The following FLT3 variants were observed in gnomAD, a reference collection of about 807,000 sequenced individuals.
FLT3 encodes the protein receptor-type tyrosine-protein kinase FLT3.
In FLT3, 46 loss-of-function variants were observed where a neutral mutation model predicts 126.6. The ratio of observed to expected loss-of-function variants is 0.36; its 90% CI spans 0.29 to 0.46. The LOEUF (loss-of-function observed/expected upper bound fraction) is 0.46. Among genes scored for constraint, FLT3 ranks in the 20% least tolerant of loss-of-function variants. The pLI, the probability that FLT3 is intolerant of heterozygous loss-of-function variation, is 1.00. For missense variants in FLT3, 1,069 were observed against 1,190.3 expected, an observed-to-expected ratio of 0.90 and a Z score of 1.50; for synonymous variants, 404 against 434.4, an observed-to-expected ratio of 0.93 and a Z score of 0.87.
chr13:28,070,828 T>C (rs1295977834), intron 1 of FLT3, among the ~76,000 whole-genome samples: 1 of 152,154 alleles, frequency 6.6e-6, no homozygotes, highest in Non-Finnish European at 1.5e-5. Flanking sequence ...CAGTCTGCAG[T>C]GATGGACATG....
At chr13:28,088,409 T>TC (rs1441030334) in intron 1 of FLT3, among the ~76,000 whole-genome samples, 2 of 151,766 alleles carry the variant, frequency 1.3e-5, no homozygotes, top group Non-Finnish European at 2.9e-5. Flanking sequence ...CACCTCAGCC[T>TC]CCCAAGTAGC....
At chr13:28,088,032 G>C in intron 1 of FLT3, among the ~76,000 whole-genome samples, 1 of 152,086 alleles carries the variant, frequency 6.6e-6, no homozygotes, top group Non-Finnish European at 1.5e-5. Flanking sequence ...AATATTTCTT[G>C]TTCCTTGTTT....
rs114826735 is a variant in FLT3, at chr13:28,031,282, C to G, written c.1942+2605G>C. ...AAGGAGTGCAGGGGTACTGTAGGGT[C>G]AAAAGGGATAGCTACCTTAGCCTTG... is the stretch of plus-strand genomic sequence containing the variant. On this transcript the variant is annotated intron_variant, in intron 15 of 23. Coordinates refer to ENST00000241453, the MANE Select transcript of FLT3 (RefSeq NM_004119.3). 6.5e-3 allele frequency among the ~76,000 whole-genome samples: 988 copies of G among 152,058 alleles called. 16 individuals are homozygous for G. Among genetic ancestry groups the G allele is most frequent in the African/African-American group, 0.023 (935 of 41,496 alleles).
intron 9 of FLT3, among the ~76,000 whole-genome samples, chr13:28,045,316 GC>G (rs909873727): frequency 6.6e-6 from 1 of 152,286 alleles, no homozygotes. Flanking sequence ...CACTCTTGCA[GC>G]CCATCACAGC....
At chr13:28,010,761 C>A (rs1871286110) in intron 23 of FLT3, among the ~76,000 whole-genome samples, 1 of 152,212 alleles carries the variant, frequency 6.6e-6, no homozygotes, top group African/African-American at 2.4e-5. Flanking sequence ...AATCCCCCCA[C>A]CTTGGGAGGC....
At chr13:28,015,065 TAAG>T (rs1871717463) in intron 22 of FLT3, 89 bp downstream of exon 22, 1 of 748,036 alleles carries the variant, frequency 1.3e-6, no homozygotes, top group African/African-American at 1.8e-5. Context: ...CGCTTTGCAC[TAAG>T]GAGTTTGACT....
chr13:28,027,853 C>T (rs567208112), intron 16 of FLT3, among the ~76,000 whole-genome samples: 1 of 152,334 alleles, frequency 6.6e-6, no homozygotes, highest in East Asian at 1.9e-4. Context: ...ACCACTCTCA[C>T]CACGCCTGTG....
chr13:28,093,768 C>T (rs756032957), intron 1 of FLT3, among the ~76,000 whole-genome samples: 1 of 152,070 alleles, frequency 6.6e-6, no homozygotes, highest in Non-Finnish European at 1.5e-5. Flanking sequence ...TTCTAAAACT[C>T]CACTGCAATT....
intron 10 of FLT3, among the ~76,000 whole-genome samples, chr13:28,036,860 G>C (rs1289946588): frequency 6.6e-6 from 1 of 152,182 alleles, no homozygotes; most frequent in African/African-American, 2.4e-5. Context: ...CGTGCCTGTA[G>C]TCCCAGCTAC....
chr13:28,034,053 C>T (rs2137674168), intron 14 of FLT3, 29 bp downstream of exon 14: 1 of 1,613,488 alleles, frequency 6.2e-7, no homozygotes, highest in Middle Eastern at 1.7e-4. Flanking sequence ...AGAAATGCTG[C>T]AGAAACATTT....
chr13:28,009,891 T>G (rs1871216517), intron 23 of FLT3, among the ~76,000 whole-genome samples: 1 of 152,052 alleles, frequency 6.6e-6, no homozygotes, highest in Non-Finnish European at 1.5e-5. Context: ...ACAAACTTAT[T>G]TCCTATAATT....
chr13:28,011,994 A>C (rs1409055945), intron 23 of FLT3, among the ~76,000 whole-genome samples: 2 of 151,900 alleles, frequency 1.3e-5, no homozygotes, highest in Non-Finnish European at 2.9e-5. Flanking sequence ...GGATTTTGCC[A>C]TGTTGGCCTG....
At chr13:28,057,912 G>A (rs186457822) in intron 3 of FLT3, among the ~76,000 whole-genome samples, 32 of 151,916 alleles carry the variant, frequency 2.1e-4, no homozygotes, top group Middle Eastern at 3.4e-3. Context: ...TGGCGCAGGC[G>A]CCTGTAATCC....
chr13:28,090,440 G>A (rs571265015), intron 1 of FLT3, among the ~76,000 whole-genome samples: 23 of 152,116 alleles, frequency 1.5e-4, no homozygotes, highest in Non-Finnish European at 3.1e-4. Flanking sequence ...TACTAAAGAG[G>A]ATGAAATTTA....
chr13:28,026,479 AAGGATG>A (rs1319777134), intron 17 of FLT3, among the ~76,000 whole-genome samples: 1 of 152,116 alleles, frequency 6.6e-6, no homozygotes, highest in Non-Finnish European at 1.5e-5. Flanking sequence ...AAGAAAGTTC[AAGGATG>A]AGGAGGAGAT....
intron 2 of FLT3, chr13:28,067,862 G>A: frequency 3.1e-6 from 1 of 326,120 alleles, no homozygotes. Flanking sequence ...TCATTCTCTA[G>A]AAGTACAGGG....
In FLT3 at chr13:28,023,283, A is replaced by G. The variant is rs1362199796; in HGVS notation, c.2418+67T>C. On this transcript the variant is annotated intron_variant, in intron 19 of 23. Transcript: ENST00000241453. ...AGGGATACAAGTTAAAATAAACAAG[A>G]AAACATATATAAGCACATCTTTTCA... 4 of 1,506,390 alleles carry G rather than the reference A, an allele frequency of 2.7e-6. No individual in the cohort carries two copies. The African/African-American group carries it at 5.6e-5, about 21-fold the overall frequency. 93.3% of individuals were successfully genotyped at this position (1,506,390 alleles called of 1,614,324 possible). A position where few individuals can be genotyped will look rare whatever the true frequency, so the allele number is the denominator to read the frequency against.
chr13:28,093,078 C>T (rs1376413489), intron 1 of FLT3, among the ~76,000 whole-genome samples: 2 of 151,850 alleles, frequency 1.3e-5, no homozygotes, highest in African/African-American at 4.8e-5. Flanking sequence ...TGTGCCAGCA[C>T]ATCTGGCTAA....
Position 28,049,690 on chromosome 13 carries a change from T to C in FLT3, c.827A>G (p.His276Arg). 6.2e-7 allele frequency: 1 copy of C among 1,614,208 alleles called. No homozygotes were observed. Among genetic ancestry groups the C allele is most frequent in the Non-Finnish European group, 8.5e-7 (1 of 1,180,020 alleles). Residue 276 changes from histidine to arginine, a missense_variant, in exon 7 of 24, where the codon CAT becomes CGT. Transcript: ENST00000241453. ...EPLWIRCKAV[H>R]VNHGFGLTWE... The stretch of plus-strand genomic sequence containing the variant: ...GGTGAGCCCGAATCCATGGTTCACA[T>C]GAACAGCTTTGCACCTTATCCATAA...
Sources: allele counts gnomAD v4.1 joint callset (sites outside exome capture counted in the v4.1 genomes callset), GRCh38; gene constraint gnomAD v4.1.1; transcripts MANE v1.5; gene names NCBI Gene and HGNC (gene_info 2026-07-23, HGNC 2026-07-21).